The following HERC6 variants were observed in gnomAD, a reference collection of about 807,000 sequenced individuals.
HERC6 encodes HECT and RLD domain containing E3 ubiquitin protein ligase family member 6.
A neutral mutation model predicts 114.5 loss-of-function variants in HERC6; 101 were observed. The observed-to-expected ratio is 0.88, with a 90% CI of 0.75 to 1.04. The LOEUF is 1.04. Ranked by LOEUF, HERC6 falls within the 50% of genes least tolerant of loss-of-function variation. The probability of loss-of-function intolerance (pLI) is 0.00; values close to 1 mark genes in which losing one functional copy is unlikely to be tolerated. For synonymous variants in HERC6, 408 were observed against 436.2 expected, an observed-to-expected ratio of 0.94 and a Z score of 0.81; for missense variants, 1,133 against 1,230.9, an observed-to-expected ratio of 0.92 and a Z score of 1.19.
At chr4:88,407,177 A>G (rs187736854) in intron 10 of HERC6, among the ~76,000 whole-genome samples, 131 of 152,240 alleles carry the variant, frequency 8.6e-4, no homozygotes, top group Admixed American at 2.0e-3. Flanking sequence ...TCGTGGGTTC[A>G]TGTGATTCTT....
chr4:88,442,269 G>A lies in HERC6; in HGVS notation c.2878G>A (p.Gly960Ser). 1 of 1,612,970 alleles carries A rather than the reference G, an allele frequency of 6.2e-7. No individual in the cohort carries two copies. Among genetic ancestry groups the A allele is most frequent in the Non-Finnish European group, 8.5e-7 (1 of 1,179,406 alleles). The change falls in exon 23 of 23, where the codon GGC becomes AGC. Residue 960 changes from glycine (G) to serine (S), a missense_variant. Gly to Ser is a moderately conservative substitution (Grantham distance 56). This residue lies in a region of HERC6 where 388 missense variants were observed against 445.9 expected (regional missense o/e 0.87). Coordinates refer to ENST00000264346, the MANE Select transcript of HERC6 (RefSeq NM_017912.4). ...AGGACGTGATAGGCTGCATGCAAGA[G>A]GCATACAGAAAATGGAAATAGTATT... is the stretch of plus-strand genomic sequence containing the variant. ...LTGRDRLHAR[G>S]IQKMEIVFRC... is the part of the protein sequence containing the mutation.
intron 2 of HERC6, 89 bp from the exon 3 acceptor site, chr4:88,385,410 A>G: frequency 1.5e-6 from 1 of 669,386 alleles, no homozygotes; most frequent in Non-Finnish European, 2.6e-6. Flanking sequence ...GACCAGATGT[A>G]TTATTTGAGA....
intron 1 of HERC6, among the ~76,000 whole-genome samples, chr4:88,381,403 AG>A (rs869121865): frequency 6.6e-6 from 1 of 152,114 alleles, no homozygotes; most frequent in African/African-American, 2.4e-5. Context: ...AACAAAGAAA[AG>A]GGGGTTTGGA....
chr4:88,395,476 G>A (rs1735179695), intron 5 of HERC6, among the ~76,000 whole-genome samples: 1 of 152,028 alleles, frequency 6.6e-6, no homozygotes, highest in Non-Finnish European at 1.5e-5. Flanking sequence ...ACAATATTAT[G>A]TTTTAATACC....
intron 11 of HERC6, among the ~76,000 whole-genome samples, chr4:88,411,919 T>C (rs1440011569): frequency 6.6e-6 from 1 of 152,088 alleles, no homozygotes; most frequent in Non-Finnish European, 1.5e-5. Context: ...ATTGGTGAGC[T>C]AAGACTCAGT....
intron 12 of HERC6, among the ~76,000 whole-genome samples, chr4:88,416,994 G>A (rs2148915896): frequency 6.6e-6 from 1 of 152,230 alleles, no homozygotes; most frequent in Non-Finnish European, 1.5e-5. Context: ...CCATGTACCA[G>A]ATGTTCATAA....
At chr4:88,410,816 C>A (rs1736056868) in intron 11 of HERC6, among the ~76,000 whole-genome samples, 1 of 152,138 alleles carries the variant, frequency 6.6e-6, no homozygotes. Flanking sequence ...ATGGGAAGAA[C>A]AAATGGGATT....
chr4:88,385,575 G>T lies in HERC6; in HGVS notation c.436G>T (p.Asp146Tyr). The part of the protein sequence containing the change: ...GHYHSLALSK[D>Y]SQVFSWGKNS... ...CTACCACTCCCTGGCATTATCAAAAGGTAAGAAACACTTTTTGGATCTGAG... is the reference window on the plus strand; with the variant it reads ...CTACCACTCCCTGGCATTATCAAAATGTAAGAAACACTTTTTGGATCTGAG... Residue 146 changes from aspartate to tyrosine, a missense_variant and splice_region_variant, in exon 3 of 23, where the codon GAT (aspartate) becomes TAT (tyrosine). Asp to Tyr is a radical substitution (Grantham distance 160). Around this residue, in one of 3 missense-constraint regions of HERC6, gnomAD observed 735 missense variants for 754.0 expected, o/e 0.97. Coordinates refer to ENST00000264346, the MANE Select transcript of HERC6 (RefSeq NM_017912.4). The T allele has an allele frequency of 1.4e-6, 2 of 1,473,086 alleles. No individual in the cohort carries two copies. The highest frequency in any genetic ancestry group is 1.3e-5 in the South Asian group (1 of 75,932). The allele number at this position is 1,473,086 out of a possible 1,614,324, so 91.3% of individuals were successfully genotyped here. A position where few individuals can be genotyped will look rare whatever the true frequency, so the allele number is the denominator to read the frequency against.
chr4:88,390,997 G>A (rs1483000253), intron 4 of HERC6, 118 bp downstream of exon 4: 23 of 768,336 alleles, frequency 3.0e-5, no homozygotes, highest in East Asian at 1.1e-4. Flanking sequence ...TGACACATTC[G>A]AATAGCCTAG....
At chr4:88,421,350 G>A (rs1737028274) in intron 13 of HERC6, among the ~76,000 whole-genome samples, 1 of 152,116 alleles carries the variant, frequency 6.6e-6, no homozygotes, top group African/African-American at 2.4e-5. Flanking sequence ...AATCTTGTGA[G>A]GAACCAGCAG....
At position 88,442,410 on chromosome 4, in the gene HERC6, G is replaced by C. The variant is rs1219102418; in HGVS notation, c.3019G>C (p.Ala1007Pro). The change falls in exon 23 of 23, where the codon GCC (alanine) becomes CCC (proline). Residue 1007 changes from alanine to proline, a missense_variant. Ala to Pro is a conservative substitution (Grantham distance 27). Transcript: ENST00000264346. ...AAGAATGGAGGAAGCACTTCAAGTA[G>C]CCATCAACAACAACAGAGGATTTGT... The part of the protein sequence containing the change: ...MERMEEALQV[A>P]INNNRGFVSP... 1 of 1,614,038 alleles carries C rather than the reference G, an allele frequency of 6.2e-7. No individual in the cohort carries two copies. Among genetic ancestry groups the C allele is most frequent in the South Asian group, 1.1e-5 (1 of 91,050 alleles).
intron 1 of HERC6, among the ~76,000 whole-genome samples, chr4:88,380,484 C>G (rs1007135401): frequency 3.0e-5 from 4 of 133,528 alleles, no homozygotes; most frequent in Non-Finnish European, 6.2e-5. Flanking sequence ...TTTGGGAGGC[C>G]GAGGCGGGCG....
intron 10 of HERC6, among the ~76,000 whole-genome samples, chr4:88,405,973 A>C (rs1173585374): frequency 1.3e-5 from 2 of 152,246 alleles, no homozygotes; most frequent in African/African-American, 4.8e-5. Context: ...GTGTATGATC[A>C]ATTAAAAAAT....
intron 5 of HERC6, among the ~76,000 whole-genome samples, chr4:88,395,683 GA>G (rs1383114378): frequency 1.9e-4 from 29 of 151,730 alleles, no homozygotes; most frequent in African/African-American, 6.5e-4. Flanking sequence ...AAATGCTAAT[GA>G]TTTTTTTTTT....
At chr4:88,416,953 A>G (rs1364443462) in intron 12 of HERC6, among the ~76,000 whole-genome samples, 1 of 152,210 alleles carries the variant, frequency 6.6e-6, no homozygotes, top group Non-Finnish European at 1.5e-5. Flanking sequence ...ATATTAAAAT[A>G]TAATTATTGG....
chr4:88,431,464 C>T (rs575734895), intron 17 of HERC6, among the ~76,000 whole-genome samples, 159 bp downstream of exon 17: 195 of 152,138 alleles, frequency 1.3e-3, no homozygotes, highest in Non-Finnish European at 2.1e-3. Context: ...GCAGCTATGG[C>T]GTCACTTGGG....
chr4:88,382,712 A>G (rs1306326722), intron 1 of HERC6, among the ~76,000 whole-genome samples: 25 of 152,206 alleles, frequency 1.6e-4, no homozygotes. Context: ...GTTGGGCTCC[A>G]CTAAGGGAGG....
At chr4:88,431,385 G>C in intron 17 of HERC6, 80 bp downstream of exon 17, 1 of 1,462,774 alleles carries the variant, frequency 6.8e-7, no homozygotes. Flanking sequence ...ATAGATAGTG[G>C]TGTAAAATTA....
chr4:88,397,880 C>T (rs892759415), intron 7 of HERC6, among the ~76,000 whole-genome samples: 3 of 152,084 alleles, frequency 2.0e-5, no homozygotes, highest in Admixed American at 2.0e-4. Context: ...GCATGGCCAC[C>T]TGGCTGCATT....
Sources: allele counts gnomAD v4.1 joint callset (sites outside exome capture counted in the v4.1 genomes callset), GRCh38; gene constraint gnomAD v4.1.1; regional missense constraint gnomAD v4.1.1; transcripts MANE v1.5; gene names NCBI Gene and HGNC (gene_info 2026-07-23, HGNC 2026-07-21).